RPL12: variants seen among roughly 807,000 people sequenced by gnomAD.
RPL12 encodes ribosomal protein L12, also known as large ribosomal subunit protein uL11.
A neutral mutation model predicts 24.5 loss-of-function variants in RPL12; 10 were observed. That is an observed-to-expected ratio of 0.41 (90% CI 0.25 to 0.69). RPL12 has a LOEUF of 0.69. Ranked by LOEUF, RPL12 falls within the 30% of genes least tolerant of loss-of-function variation. The probability of loss-of-function intolerance (pLI) is 0.33; values close to 1 mark genes in which losing one functional copy is unlikely to be tolerated. For synonymous variants in RPL12, 74 were observed against 76.1 expected (o/e 0.97, Z 0.14); for missense variants, 137 against 205.3 (o/e 0.67, Z 2.03).
chr9:127,448,467 CAAAGCAG>C (rs1407489094), intron 4 of RPL12, 44 bp from the exon 5 acceptor site: 1 of 1,237,504 alleles, frequency 8.1e-7, no homozygotes, highest in Non-Finnish European at 1.2e-6. Context: ...AGTCTGAAGC[CAAAGCAG>C]ATCATGTGTC....
intron 2 of RPL12, 88 bp from the exon 3 acceptor site, chr9:127,449,796 G>A (rs1335841196): frequency 1.9e-6 from 2 of 1,030,848 alleles, no homozygotes; most frequent in Non-Finnish European, 3.0e-6. Flanking sequence ...TGGCAACAAA[G>A]GAAGCTATCT....
Position 127,447,973 on chromosome 9 carries a change from GA to G in RPL12, c.395del (p.Ile132ThrfsTer?). ...ARELSGTIKE[I>X]LGTAQSVGCN... Reference sequence around the variant, plus strand: ...AGCCCACTGACTGGGCAGTCCCCAGGATCTCTTTAATGGTTCCTTTAAGTAA... The same window carrying G: ...AGCCCACTGACTGGGCAGTCCCCAGGTCTCTTTAATGGTTCCTTTAAGTAA... On this transcript the variant is annotated frameshift_variant, in exon 6 of 7. Coordinates refer to ENST00000361436, the MANE Select transcript of RPL12 (RefSeq NM_000976.4). LOFTEE classifies it high-confidence loss of function. 6.2e-7 allele frequency: 1 copy of G among 1,611,228 alleles called. No homozygotes were observed. Among genetic ancestry groups the G allele is most frequent in the African/African-American group, 1.3e-5 (1 of 74,802 alleles).
intron 5 of RPL12, 114 bp from the exon 6 acceptor site, chr9:127,448,103 G>C (rs1834204090): frequency 7.8e-7 from 1 of 1,286,128 alleles, no homozygotes; most frequent in Non-Finnish European, 1.1e-6. Context: ...TGAGGTTCCT[G>C]CTCCCCTAAT....
At chr9:127,449,478 T>C in intron 3 of RPL12, 116 bp from the exon 4 acceptor site, 6 of 1,300,004 alleles carry the variant, frequency 4.6e-6, no homozygotes, top group Non-Finnish European at 6.6e-6. Flanking sequence ...TCCGTACTCT[T>C]GACAAAGCCT....
intron 2 of RPL12, chr9:127,450,080 C>T (rs1834253862): frequency 8.8e-6 from 2 of 227,992 alleles, no homozygotes; most frequent in Non-Finnish European, 1.8e-5. Flanking sequence ...CTGAAGTTCT[C>T]CTCCTCTAGT....
chr9:127,448,340 A>G lies in RPL12; in HGVS notation c.376T>C (p.Ser126Pro). 6.2e-7 allele frequency: 1 copy of G among 1,610,608 alleles called. No individual in the cohort carries two copies. Among genetic ancestry groups the G allele is most frequent in the Non-Finnish European group, 8.5e-7 (1 of 1,176,842 alleles). ...TTACATGTTGTCCTGCTCTTACCAG[A>G]GAGTTCTCTGGCTAAGGATCGGTGC... ...MRHRSLAREL[S>P]GTIKEILGTA... Residue 126 changes from serine (S) to proline (P), a missense_variant, in exon 5 of 7, where the codon TCT becomes CCT. Physicochemically the swap from Ser to Pro is moderately conservative, Grantham distance 74. Around this residue, in one of 3 missense-constraint regions of RPL12, gnomAD observed 118 missense variants for 160.7 expected, o/e 0.73. Coordinates refer to ENST00000361436, the MANE Select transcript of RPL12 (RefSeq NM_000976.4).
intron 2 of RPL12, 51 bp downstream of exon 2, chr9:127,450,680 C>G (rs1287267810): frequency 1.4e-6 from 2 of 1,407,648 alleles, no homozygotes; most frequent in African/African-American, 2.9e-5. Flanking sequence ...CGAGCCGGCG[C>G]TTAAAGTGAA....
At chr9:127,448,483 T>G in intron 4 of RPL12, 60 bp from the exon 5 acceptor site, 1 of 1,071,682 alleles carries the variant, frequency 9.3e-7, no homozygotes, top group Non-Finnish European at 1.5e-6. Context: ...AGATCATGTG[T>G]CCTTCATTTC....
chr9:127,449,265 G>A lies in RPL12; in HGVS notation c.292+16C>T, dbSNP rs1834226778. ...CAAACCATTACCAAAACCAAACTAG[G>A]GAAAAGACAACTTACTGTTTTTCTG... On this transcript the variant is annotated intron_variant, in intron 4 of 6. Coordinates refer to ENST00000361436, the MANE Select transcript of RPL12 (RefSeq NM_000976.4). 6.2e-7 allele frequency: 1 copy of A among 1,607,922 alleles called. No individual in the cohort carries two copies. The highest frequency in any genetic ancestry group is 8.5e-7 in the Non-Finnish European group (1 of 1,177,078).
intron 4 of RPL12, chr9:127,448,761 G>T (rs551259016): frequency 2.3e-6 from 1 of 438,264 alleles, no homozygotes; most frequent in Non-Finnish European, 4.3e-6. Context: ...CCTGATTATA[G>T]GTCATTATTG....
intron 2 of RPL12, chr9:127,449,921 G>A (rs1834246316): frequency 3.6e-6 from 2 of 557,270 alleles, no homozygotes; most frequent in Non-Finnish European, 6.5e-6. Context: ...ATGTAACCTA[G>A]ACCCCCTCCT....
intron 6 of RPL12, 32 bp from the exon 7 acceptor site, chr9:127,447,758 G>T: frequency 6.2e-7 from 1 of 1,613,418 alleles, no homozygotes; most frequent in Non-Finnish European, 8.5e-7. Context: ...TCAGTAAAAA[G>T]TTTAAAAGGA....
chr9:127,450,476 T>TC (rs1834270565), intron 2 of RPL12: 1 of 450,116 alleles, frequency 2.2e-6, no homozygotes, highest in Non-Finnish European at 3.9e-6. Flanking sequence ...ACTTCAAAAC[T>TC]CCCCCTTGGG....
chr9:127,450,699 G>T (rs1834280399), intron 2 of RPL12, 32 bp downstream of exon 2: 1 of 1,505,798 alleles, frequency 6.6e-7, no homozygotes, highest in Non-Finnish European at 9.0e-7. Context: ...AAACAAATGT[G>T]AAAAAAATGC....
At position 127,447,933 on chromosome 9, in the gene RPL12, G is replaced by A. The variant is rs752127753; in HGVS notation, c.436C>T (p.Arg146Cys). 4.4e-5 allele frequency: 71 copies of A among 1,613,534 alleles called. No individual in the cohort carries two copies. The highest frequency in any genetic ancestry group is 3.5e-4 in the Admixed American group (21 of 59,888). The part of the protein sequence containing the change: ...AQSVGCNVDG[R>C]HPHDIIDDIN... ...TCATCGATGATGTCATGAGGATGGCGGCCATCAACATTACAGCCCACTGAC... is the reference window on the plus strand; with the variant it reads ...TCATCGATGATGTCATGAGGATGGCAGCCATCAACATTACAGCCCACTGAC... The change falls in exon 6 of 7, where the codon CGC becomes TGC. Residue 146 changes from arginine (R) to cysteine (C), a missense_variant. Arg to Cys is a radical substitution (Grantham distance 180, BLOSUM62 -3). Transcript: ENST00000361436.
chr9:127,450,437 G>T (rs1288307485), intron 2 of RPL12: 2 of 344,072 alleles, frequency 5.8e-6, no homozygotes, highest in Non-Finnish European at 1.1e-5. Context: ...TACAGATGTT[G>T]GCTGCCCAAT....
intron 2 of RPL12, 35 bp from the exon 3 acceptor site, chr9:127,449,743 A>G: frequency 6.5e-7 from 1 of 1,547,702 alleles, no homozygotes; most frequent in South Asian, 1.1e-5. Flanking sequence ...CATGGTGTCC[A>G]GAGGTGAACC....
intron 1 of RPL12, 196 bp downstream of exon 1, chr9:127,451,085 G>A: frequency 1.3e-6 from 1 of 750,270 alleles, no homozygotes; most frequent in South Asian, 2.0e-5. Context: ...GCCACAGGTG[G>A]TCCAGTCCTC....
chr9:127,447,851 A>C (rs368021902), intron 6 of RPL12, 26 bp downstream of exon 6: 4 of 1,610,440 alleles, frequency 2.5e-6, no homozygotes, highest in East Asian at 2.2e-5. Context: ...TTTCACCCCT[A>C]CTGTAACAAT....
Sources: gnomAD v4.1 joint callset for allele counts on GRCh38, gnomAD v4.1.1 for gene constraint, gnomAD v4.1.1 regional missense constraint, MANE v1.5 for transcripts, NCBI Gene and HGNC (gene_info 2026-07-23, HGNC 2026-07-21) for gene names.